The following IFT80 variants were observed in gnomAD, a reference collection of about 807,000 sequenced individuals.
IFT80 encodes intraflagellar transport 80, also known as intraflagellar transport protein 80 homolog.
IFT80 carries 79 observed loss-of-function variants against 107.9 expected under a neutral mutation model. That is an observed-to-expected ratio of 0.73 (90% CI 0.61 to 0.88). The LOEUF (loss-of-function observed/expected upper bound fraction) is 0.88, where lower values mean the gene tolerates loss of function less well. Among genes scored for constraint, IFT80 ranks in the 40% least tolerant of loss-of-function variants. IFT80 has a pLI of 0.00. For synonymous variants in IFT80, 299 were observed against 300.9 expected (o/e 0.99, Z 0.07); for missense variants, 797 against 914.2 (o/e 0.87, Z 1.65).
At chr3:160,262,247 A>G (rs927751328) in intron 19 of IFT80, among the ~76,000 whole-genome samples, 1 of 152,232 alleles carries the variant, frequency 6.6e-6, no homozygotes, top group African/African-American at 2.4e-5. Context: ...ACAAAGAACA[A>G]TAAATTTTAA....
intron 16 of IFT80, 89 bp downstream of exon 16, chr3:160,279,104 G>A: frequency 9.6e-7 from 1 of 1,037,046 alleles, no homozygotes; most frequent in Non-Finnish European, 1.5e-6. Flanking sequence ...AATTTTTCCA[G>A]CCTTTAAGCC....
intron 18 of IFT80, 88 bp from the exon 19 acceptor site, chr3:160,268,624 GGC>G: frequency 8.1e-7 from 1 of 1,242,048 alleles, no homozygotes; most frequent in Non-Finnish European, 1.2e-6. Flanking sequence ...TAAGACAAAT[GGC>G]TCTTCCCTCT....
At chr3:160,351,444 A>G (rs1720690291) in intron 8 of IFT80, among the ~76,000 whole-genome samples, 1 of 149,144 alleles carries the variant, frequency 6.7e-6, no homozygotes, top group Admixed American at 6.7e-5. Flanking sequence ...ATAAATCCTA[A>G]AACTGGAATT....
intron 8 of IFT80, among the ~76,000 whole-genome samples, chr3:160,323,878 C>G (rs1718469812): frequency 6.6e-6 from 1 of 151,882 alleles, no homozygotes; most frequent in South Asian, 2.1e-4. Context: ...TGATAGACCA[C>G]TAGCAAGACT....
chr3:160,275,424 T>C lies in IFT80; in HGVS notation c.2099+1882A>G, dbSNP rs78173600. On this transcript the variant is annotated intron_variant, in intron 18 of 19. Transcript: ENST00000326448. ...TTTACTGGATTACTGTTTATCTCTC[T>C]AATTATTTATCTTTGCAGATATTTA... Among the ~76,000 whole-genome samples, 709 of 152,354 alleles carry C rather than the reference T, an allele frequency of 4.7e-3. 7 individuals are homozygous for C. Among genetic ancestry groups the C allele is most frequent in the African/African-American group, 0.016 (684 of 41,590 alleles).
intron 18 of IFT80, among the ~76,000 whole-genome samples, chr3:160,270,807 T>C (rs958969362): frequency 2.0e-5 from 3 of 152,092 alleles, no homozygotes; most frequent in African/African-American, 7.2e-5. Context: ...ATGAGCTACT[T>C]TTTTTTGTCA....
In IFT80 at chr3:160,258,022, CT is replaced by C. The variant is rs1712495325; in HGVS notation, c.*502del. The C allele has an allele frequency of 5.8e-6, 1 of 171,118 alleles. No individual in the cohort carries two copies. Among genetic ancestry groups the C allele is most frequent in the Non-Finnish European group, 1.3e-5 (1 of 79,730 alleles). 10.6% of individuals were successfully genotyped at this position (171,118 alleles called of 1,614,324 possible). On this transcript the variant is annotated 3_prime_UTR_variant, in exon 20 of 20. Transcript: ENST00000326448. ...TGATAGACACTTGAGCTGTTTCCAT[CT>C]TTTGCTATTCCAGTAATGCTGCTAT...
At chr3:160,362,799 C>G (rs1721590828) in intron 6 of IFT80, among the ~76,000 whole-genome samples, 1 of 152,158 alleles carries the variant, frequency 6.6e-6, no homozygotes, top group African/African-American at 2.4e-5. Flanking sequence ...CAGAAAAGGC[C>G]TTCGACAAAA....
At chr3:160,322,333 A>G (rs1718300405) in intron 8 of IFT80, among the ~76,000 whole-genome samples, 3 of 151,560 alleles carry the variant, frequency 2.0e-5, no homozygotes, top group Admixed American at 6.6e-5. Flanking sequence ...ATGATTTCCA[A>G]TTTCATCCAT....
At chr3:160,373,269 G>C (rs1177279470) in intron 5 of IFT80, among the ~76,000 whole-genome samples, 2 of 152,128 alleles carry the variant, frequency 1.3e-5, no homozygotes, top group African/African-American at 4.8e-5. Flanking sequence ...TAAGCTCAGA[G>C]GTCATCTATT....
chr3:160,385,055 T>C (rs1014671416), intron 1 of IFT80, among the ~76,000 whole-genome samples: 14 of 152,202 alleles, frequency 9.2e-5, no homozygotes, highest in African/African-American at 3.1e-4. Context: ...AGAATCCATG[T>C]GGAAAAATAC....
Position 160,264,469 on chromosome 3 carries a change from T to A in IFT80, c.2223+3944A>T, listed in dbSNP as rs1014183486. Among the ~76,000 whole-genome samples the A allele has an allele frequency of 2.6e-5, 4 of 151,542 alleles. No homozygotes were observed. In the East Asian group the frequency reaches 7.8e-4, roughly 29 times the overall value. On this transcript the variant is annotated intron_variant, in intron 19 of 19. Transcript: ENST00000326448. The stretch of plus-strand genomic sequence containing the variant: ...ATGGAGTCTCATTCTGTGGCCCAGG[T>A]TGGAGTGTAGTGGCACGACCTCAGC...
At chr3:160,331,062 T>A (rs986610214) in intron 8 of IFT80, among the ~76,000 whole-genome samples, 2 of 152,220 alleles carry the variant, frequency 1.3e-5, no homozygotes, top group African/African-American at 2.4e-5. Flanking sequence ...GCCTACCATC[T>A]TTTTCTAATT....
At chr3:160,372,982 G>C (rs1307846263) in intron 5 of IFT80, among the ~76,000 whole-genome samples, 1 of 152,136 alleles carries the variant, frequency 6.6e-6, no homozygotes, top group Non-Finnish European at 1.5e-5. Flanking sequence ...TCACAGACCA[G>C]AATGTAAACA....
At chr3:160,389,684 T>G (rs968105385) in intron 1 of IFT80, among the ~76,000 whole-genome samples, 7 of 151,580 alleles carry the variant, frequency 4.6e-5, no homozygotes, top group African/African-American at 1.5e-4. Context: ...GGCTGCATAG[T>G]ATTCCACGGT....
At position 160,319,673 on chromosome 3, in the gene IFT80, T is replaced by C; in HGVS notation, c.957+87A>G. The C allele has an allele frequency of 2.7e-6, 3 of 1,124,530 alleles. No individual in the cohort carries two copies. In the South Asian group the frequency reaches 3.9e-5, roughly 15 times the overall value. The allele number at this position is 1,124,530 out of a possible 1,614,324, so 69.7% of individuals were successfully genotyped here. On this transcript the variant is annotated intron_variant, in intron 9 of 19. Coordinates refer to ENST00000326448, the MANE Select transcript of IFT80 (RefSeq NM_020800.3). ...CTGAATTTTTATAAGCTTGACTAAA[T>C]ATAATTAATGAAGATAATTCCATAT...
chr3:160,287,749 T>C (rs567446809), intron 12 of IFT80, among the ~76,000 whole-genome samples: 2 of 152,322 alleles, frequency 1.3e-5, no homozygotes, highest in South Asian at 2.1e-4. Context: ...GTAATTACTA[T>C]CTATAATATA....
intron 3 of IFT80, among the ~76,000 whole-genome samples, chr3:160,379,982 A>C (rs1166874948): frequency 6.6e-6 from 1 of 150,664 alleles, no homozygotes; most frequent in African/African-American, 2.4e-5. Flanking sequence ...TTTCCTTTGC[A>C]TGTGGATGGC....
intron 8 of IFT80, among the ~76,000 whole-genome samples, chr3:160,328,926 A>G (rs1559942692): frequency 6.6e-6 from 1 of 152,072 alleles, no homozygotes; most frequent in East Asian, 1.9e-4. Context: ...GCTCTCATTC[A>G]TAAGAGGGAG....
Sources: gnomAD v4.1 joint callset for allele counts (sites outside exome capture counted in the v4.1 genomes callset) on GRCh38, gnomAD v4.1.1 for gene constraint, MANE v1.5 for transcripts, NCBI Gene and HGNC (gene_info 2026-07-23, HGNC 2026-07-21) for gene names.